FAM167A: variants seen among roughly 807,000 people sequenced by gnomAD.
FAM167A encodes the protein protein FAM167A.
FAM167A carries 23 observed loss-of-function variants against 14.9 expected under a neutral mutation model. The ratio of observed to expected loss-of-function variants is 1.55; its 90% CI spans 1.11 to 2.19. The LOEUF (loss-of-function observed/expected upper bound fraction) is 2.19, where lower values mean the gene tolerates loss of function less well. FAM167A is among the 30% of genes most tolerant of loss of function. The pLI is 0.00. For missense variants in FAM167A, 401 were observed against 281.5 expected (o/e 1.42, Z -3.04); for synonymous variants, 174 against 117.7 (o/e 1.48, Z -3.10).
rs1358857251 is a variant in FAM167A, at chr8:11,424,555, G to C, written c.463C>G (p.His155Asp). 8.1e-6 allele frequency: 13 copies of C among 1,614,060 alleles called. No homozygotes were observed. The highest frequency in any genetic ancestry group is 1.1e-5 in the Non-Finnish European group (13 of 1,180,036). Residue 155 changes from histidine (H) to aspartate (D), a missense_variant, in exon 3 of 3, where the codon CAC becomes GAC. By Grantham distance (81) the His-to-Asp change is moderately conservative. Transcript: ENST00000284486. ...ATCCTCCTGTGGAGGCGGCAGGTGT[G>C]TTCGATTTTCAGCTTGTTGATGTCG... ...RGDINKLKIE[H>D]TCRLHRRMLN...
chr8:11,430,441 C>T (rs913183025), intron 2 of FAM167A, among the ~76,000 whole-genome samples: 1 of 152,152 alleles, frequency 6.6e-6, no homozygotes, highest in African/African-American at 2.4e-5. Flanking sequence ...AGCCACTGCA[C>T]CTGGGTGAAG....
chr8:11,432,016 T>C (rs1441049626), intron 2 of FAM167A, among the ~76,000 whole-genome samples: 4 of 150,464 alleles, frequency 2.7e-5, no homozygotes, highest in Admixed American at 1.3e-4. Context: ...TAGTCTAACA[T>C]AGGATGTGCA....
intron 2 of FAM167A, among the ~76,000 whole-genome samples, chr8:11,436,767 C>T (rs1806048042): frequency 1.3e-5 from 2 of 152,198 alleles, no homozygotes; most frequent in Admixed American, 1.3e-4. Flanking sequence ...GATTTCTGGG[C>T]TTTTCTTGGG....
intron 1 of FAM167A, among the ~76,000 whole-genome samples, chr8:11,456,385 T>TGG (rs1807304552): frequency 1.6e-4 from 1 of 6,166 alleles, no homozygotes; most frequent in African/African-American, 1.1e-3. Context: ...TTGCCCTGCC[T>TGG]GGTGTGTGTG....
chr8:11,435,148 C>T (rs1379790731), intron 2 of FAM167A: 2 of 456,462 alleles, frequency 4.4e-6, no homozygotes, highest in Non-Finnish European at 8.8e-6. Flanking sequence ...AGCCTCCTCT[C>T]CCACTCTGAT....
intron 1 of FAM167A, among the ~76,000 whole-genome samples, chr8:11,461,642 C>T (rs1038676367): frequency 7.2e-5 from 11 of 152,336 alleles, no homozygotes; most frequent in Admixed American, 5.9e-4. Flanking sequence ...GGCTTCAGCC[C>T]ACCAGAGTGG....
intron 1 of FAM167A, among the ~76,000 whole-genome samples, chr8:11,474,164 C>T (rs1167589763): frequency 3.9e-5 from 6 of 152,244 alleles, no homozygotes; most frequent in African/African-American, 7.2e-5. Flanking sequence ...CACGAGCCAC[C>T]GTGCCCGGCC....
intron 2 of FAM167A, among the ~76,000 whole-genome samples, chr8:11,433,165 T>G (rs895922208): frequency 6.6e-6 from 1 of 151,950 alleles, no homozygotes; most frequent in East Asian, 1.9e-4. Context: ...GTAACAAATC[T>G]GCACATTCTG....
chr8:11,461,938 AG>A (rs746182836), intron 1 of FAM167A, among the ~76,000 whole-genome samples: 5 of 152,216 alleles, frequency 3.3e-5, no homozygotes, highest in Non-Finnish European at 7.3e-5. Context: ...AGGGGCTAGA[AG>A]GGTCCTTAGG....
upstream of FAM167A, among the ~76,000 whole-genome samples, chr8:11,470,954 G>A (rs980460489): frequency 2.0e-5 from 3 of 152,216 alleles, no homozygotes; most frequent in Non-Finnish European, 2.9e-5. Flanking sequence ...GACAATGAGG[G>A]CCAGCTTTCT....
intron 2 of FAM167A, chr8:11,435,143 C>G: frequency 2.2e-6 from 1 of 456,676 alleles, no homozygotes; most frequent in Non-Finnish European, 4.4e-6. Context: ...TCTCCAGCCT[C>G]CTCTCCCACT....
intron 2 of FAM167A, among the ~76,000 whole-genome samples, chr8:11,430,943 A>G (rs1805538182): frequency 6.6e-6 from 1 of 152,136 alleles, no homozygotes; most frequent in South Asian, 2.1e-4. Context: ...GCTGACTCCT[A>G]CCCTCGGAGC....
At chr8:11,456,068 T>G (rs1384927466) in intron 1 of FAM167A, among the ~76,000 whole-genome samples, 1 of 129,472 alleles carries the variant, frequency 7.7e-6, no homozygotes, top group Non-Finnish European at 1.6e-5. Flanking sequence ...TTGCTGTGTG[T>G]GAGTGTGAGT....
chr8:11,443,406 T>TTCTGAGCCAACTCCTCC (rs1563374701), intron 2 of FAM167A, among the ~76,000 whole-genome samples: 3 of 152,202 alleles, frequency 2.0e-5, no homozygotes. Context: ...CCGCCCTGAC[T>TTCTGAGCCAACTCCTCC]TCTGAGCCAA....
intron 2 of FAM167A, among the ~76,000 whole-genome samples, chr8:11,442,791 C>A (rs892487270): frequency 6.6e-6 from 1 of 152,032 alleles, no homozygotes; most frequent in Non-Finnish European, 1.5e-5. Flanking sequence ...CACATGCACC[C>A]TCTCGTTACT....
intron 2 of FAM167A, among the ~76,000 whole-genome samples, chr8:11,431,917 A>AAAAAAAAAAAAAAAG (rs752330983): frequency 1.0e-5 from 1 of 99,498 alleles, no homozygotes; most frequent in Non-Finnish European, 2.0e-5. Context: ...AAAAAAAAAA[A>AAAAAAAAAAAAAAAG]AAGGATTTTG....
At chr8:11,460,140 A>C (rs1807480329) in intron 1 of FAM167A, among the ~76,000 whole-genome samples, 1 of 152,238 alleles carries the variant, frequency 6.6e-6, no homozygotes, top group African/African-American at 2.4e-5. Flanking sequence ...GGTACATGGC[A>C]TGAAACCCAC....
intron 2 of FAM167A, among the ~76,000 whole-genome samples, chr8:11,437,702 G>T (rs932584462): frequency 7.9e-5 from 12 of 152,142 alleles, no homozygotes; most frequent in Admixed American, 7.9e-4. Context: ...TTTAGCAAAC[G>T]CTCTAGGTGC....
At chr8:11,447,348 A>AT (rs889749161) in intron 1 of FAM167A, among the ~76,000 whole-genome samples, 11 of 151,834 alleles carry the variant, frequency 7.2e-5, no homozygotes, top group Non-Finnish European at 1.6e-4. Flanking sequence ...TACCCAGCTA[A>AT]TTTTTTGTAT....
Sources: allele counts gnomAD v4.1 joint callset (sites outside exome capture counted in the v4.1 genomes callset), GRCh38; gene constraint gnomAD v4.1.1; transcripts MANE v1.5; gene names NCBI Gene and HGNC (gene_info 2026-07-23, HGNC 2026-07-21).